The following PRDM5 variants were observed in gnomAD, a reference collection of about 807,000 sequenced individuals.
PRDM5 encodes the protein PR/SET domain 5.
PRDM5 carries 56 observed loss-of-function variants against 81.2 expected under a neutral mutation model. That is an observed-to-expected ratio of 0.69 (90% CI 0.56 to 0.86). PRDM5 has a LOEUF of 0.86. PRDM5 is among the 40% of genes least tolerant of loss of function. The probability of loss-of-function intolerance (pLI) is 0.00; values close to 1 mark genes in which losing one functional copy is unlikely to be tolerated. For synonymous variants in PRDM5, 267 were observed against 256.4 expected (o/e 1.04, Z -0.39); for missense variants, 697 against 770.1 (o/e 0.91, Z 1.12).
chr4:120,910,982 T>C (rs1766436712), intron 1 of PRDM5, among the ~76,000 whole-genome samples: 1 of 152,212 alleles, frequency 6.6e-6, no homozygotes, highest in Non-Finnish European at 1.5e-5. Flanking sequence ...GCCTGCATTA[T>C]TGGTATTACC....
chr4:120,888,787 T>C (rs1763743531), intron 2 of PRDM5, among the ~76,000 whole-genome samples: 1 of 152,242 alleles, frequency 6.6e-6, no homozygotes, highest in African/African-American at 2.4e-5. Context: ...TTTAGTCATT[T>C]TGGTGAACAT....
At chr4:120,791,562 C>T (rs948596901) in intron 10 of PRDM5, among the ~76,000 whole-genome samples, 1 of 152,180 alleles carries the variant, frequency 6.6e-6, no homozygotes, top group Non-Finnish European at 1.5e-5. Context: ...TTGAAAACTT[C>T]CTGTCTGATC....
At chr4:120,835,055 TGATAAA>T (rs1757175936) in intron 3 of PRDM5, among the ~76,000 whole-genome samples, 1 of 152,230 alleles carries the variant, frequency 6.6e-6, no homozygotes, top group African/African-American at 2.4e-5. Context: ...AAAGTAGTTC[TGATAAA>T]GATAAATCAT....
At chr4:120,718,038 T>C (rs1304738094) in intron 14 of PRDM5, among the ~76,000 whole-genome samples, 1 of 152,202 alleles carries the variant, frequency 6.6e-6, no homozygotes, top group Admixed American at 6.6e-5. Context: ...TGTCAGAGCC[T>C]GTGGTCTTCT....
intron 14 of PRDM5, among the ~76,000 whole-genome samples, chr4:120,721,074 C>T: frequency 6.6e-6 from 1 of 152,134 alleles, no homozygotes; most frequent in Non-Finnish European, 1.5e-5. Flanking sequence ...GCTGGGCAGC[C>T]AGAAAGTCCT....
intron 2 of PRDM5, among the ~76,000 whole-genome samples, chr4:120,899,083 T>G (rs1764966966): frequency 6.6e-6 from 1 of 152,202 alleles, no homozygotes; most frequent in Admixed American, 6.5e-5. Flanking sequence ...AGAAATAGAT[T>G]GGAATAAATA....
At chr4:120,699,198 A>T (rs1363390542) in intron 15 of PRDM5, among the ~76,000 whole-genome samples, 5 of 73,734 alleles carry the variant, frequency 6.8e-5, no homozygotes, top group Admixed American at 1.7e-4. Context: ...ATATATATAT[A>T]TATATATTTC....
At chr4:120,794,472 T>G (rs1334482080) in intron 10 of PRDM5, among the ~76,000 whole-genome samples, 1 of 151,622 alleles carries the variant, frequency 6.6e-6, no homozygotes, top group Non-Finnish European at 1.5e-5. Context: ...CCTTTTAAAT[T>G]GTTTGGCTAT....
chr4:120,697,806 A>G (rs957467222), intron 15 of PRDM5, among the ~76,000 whole-genome samples: 2 of 150,654 alleles, frequency 1.3e-5, no homozygotes, highest in Admixed American at 6.7e-5. Flanking sequence ...GATGTGAGCT[A>G]CCACATCCAG....
downstream of PRDM5, among the ~76,000 whole-genome samples, chr4:120,690,773 T>G (rs2148978254): frequency 6.6e-6 from 1 of 152,296 alleles, no homozygotes; most frequent in Admixed American, 6.5e-5. Context: ...CTAGTAGGTC[T>G]ACAGTTTCCC....
intron 14 of PRDM5, among the ~76,000 whole-genome samples, chr4:120,733,892 T>C (rs1470741707): frequency 7.6e-6 from 1 of 132,296 alleles, no homozygotes. Flanking sequence ...GACACAAAAG[T>C]AAAAAAAAAA....
At chr4:120,782,293 T>A (rs1265918442) in intron 11 of PRDM5, among the ~76,000 whole-genome samples, 1 of 152,166 alleles carries the variant, frequency 6.6e-6, no homozygotes, top group Non-Finnish European at 1.5e-5. Flanking sequence ...ATCATATTGA[T>A]AACAAGGCAA....
At chr4:120,723,710 G>A (rs879637899) in intron 14 of PRDM5, among the ~76,000 whole-genome samples, 19 of 152,084 alleles carry the variant, frequency 1.2e-4, no homozygotes, top group Admixed American at 2.0e-4. Flanking sequence ...CACTTATGCC[G>A]ACTGATATAT....
At chr4:120,883,140 A>C (rs1453392877) in intron 2 of PRDM5, among the ~76,000 whole-genome samples, 1 of 152,204 alleles carries the variant, frequency 6.6e-6, no homozygotes, top group Non-Finnish European at 1.5e-5. Flanking sequence ...AAAAGTTTAA[A>C]TGCAAGCACA....
chr4:120,845,958 T>C (rs1276097453), intron 3 of PRDM5, among the ~76,000 whole-genome samples: 2 of 152,178 alleles, frequency 1.3e-5, no homozygotes, highest in Non-Finnish European at 2.9e-5. Context: ...ACTGCAGATG[T>C]GATGGAAATA....
At chr4:120,922,209 C>T (rs958770725) in intron 1 of PRDM5, among the ~76,000 whole-genome samples, 2 of 152,246 alleles carry the variant, frequency 1.3e-5, no homozygotes, top group Non-Finnish European at 2.9e-5. Context: ...GCGCTCACTT[C>T]CTGCGGGAGA....
At chr4:120,922,437 G>A (rs1725073326) in intron 1 of PRDM5, 79 bp downstream of exon 1, 3 of 1,248,986 alleles carry the variant, frequency 2.4e-6, no homozygotes, top group African/African-American at 1.6e-5. Flanking sequence ...CCGCGCCCCG[G>A]GCCCTGCGGC....
At chr4:120,857,495 C>G (rs1209077880) in intron 2 of PRDM5, among the ~76,000 whole-genome samples, 1 of 152,230 alleles carries the variant, frequency 6.6e-6, no homozygotes, top group Non-Finnish European at 1.5e-5. Flanking sequence ...CTTATGGGAA[C>G]TTGGCAGGGT....
intron 11 of PRDM5, among the ~76,000 whole-genome samples, chr4:120,783,513 T>C (rs1478160649): frequency 6.6e-6 from 1 of 152,100 alleles, no homozygotes; most frequent in East Asian, 1.9e-4. Context: ...AATTTCATCA[T>C]TCCCAAGCAA....
Sources: gnomAD v4.1 joint callset for allele counts (sites outside exome capture counted in the v4.1 genomes callset) on GRCh38, gnomAD v4.1.1 for gene constraint, MANE v1.5 for transcripts, NCBI Gene and HGNC (gene_info 2026-07-23, HGNC 2026-07-21) for gene names.